PDGFA: variants seen among roughly 807,000 people sequenced by gnomAD.
PDGFA encodes platelet-derived growth factor subunit A.
A neutral mutation model predicts 25.6 loss-of-function variants in PDGFA; 9 were observed. That is an observed-to-expected ratio of 0.35 (90% CI 0.21 to 0.61). The LOEUF is 0.61. Ranked by LOEUF, PDGFA falls within the 20% of genes least tolerant of loss-of-function variation. The pLI, the probability that PDGFA is intolerant of heterozygous loss-of-function variation, is 0.75. For synonymous variants in PDGFA, 133 were observed against 111.8 expected (o/e 1.19, Z -1.20); for missense variants, 242 against 272.8 (o/e 0.89, Z 0.79).
intron 4 of PDGFA, among the ~76,000 whole-genome samples, chr7:506,724 C>T (rs933202004): frequency 6.6e-6 from 1 of 152,144 alleles, no homozygotes. Context: ...CAAGAGCTAA[C>T]TGTGCCAGGC....
upstream of PDGFA, chr7:520,067 C>T (rs1783307118): frequency 2.5e-6 from 1 of 398,234 alleles, no homozygotes. Flanking sequence ...CAAAGCCCCG[C>T]GCCCGGCTCC....
intron 4 of PDGFA, among the ~76,000 whole-genome samples, chr7:505,389 C>T (rs1280905533): frequency 2.0e-5 from 3 of 152,202 alleles, no homozygotes; most frequent in Non-Finnish European, 2.9e-5. Context: ...ACTCCCGGCG[C>T]GAACTCACCC....
intron 5 of PDGFA, among the ~76,000 whole-genome samples, chr7:499,597 G>C (rs371872917): frequency 6.6e-6 from 1 of 151,948 alleles, no homozygotes. Context: ...TCTGGGAAGC[G>C]ACATGTCTTG....
intron 2 of PDGFA, among the ~76,000 whole-genome samples, chr7:513,694 A>G (rs772352516): frequency 3.3e-5 from 5 of 152,166 alleles, no homozygotes; most frequent in Admixed American, 6.5e-5. Flanking sequence ...CTAGCAGCCC[A>G]AAGTGTCTCT....
chr7:503,404 G>T (rs997878010), intron 4 of PDGFA, among the ~76,000 whole-genome samples: 17 of 152,136 alleles, frequency 1.1e-4, no homozygotes, highest in African/African-American at 4.1e-4. Flanking sequence ...CGGAGGCCGG[G>T]TCACCCCCTG....
At chr7:501,354 G>A in intron 4 of PDGFA, 112 bp from the exon 5 acceptor site, 1 of 1,331,600 alleles carries the variant, frequency 7.5e-7, no homozygotes, top group Non-Finnish European at 1.1e-6. Context: ...CCTGACCCCT[G>A]ACCTCCTCCC....
intron 2 of PDGFA, 95 bp from the exon 3 acceptor site, chr7:512,550 C>T: frequency 6.3e-7 from 1 of 1,588,274 alleles, no homozygotes; most frequent in Non-Finnish European, 8.6e-7. Context: ...GCTTTGGGAG[C>T]CACTGGGGAA....
chr7:500,529 G>A lies in PDGFA; in HGVS notation c.580+587C>T. 1.2e-6 allele frequency: 2 copies of A among 1,613,718 alleles called. No homozygotes were observed. Among genetic ancestry groups the A allele is most frequent in the Non-Finnish European group, 1.7e-6 (2 of 1,179,978 alleles). On this transcript the variant is annotated intron_variant, in intron 5 of 5. Transcript: ENST00000402802. This position sits in a 1 kb window ranked among gnomAD's most constrained non-coding sequence, Gnocchi z 5.0. ...TAACAAAAGGGCAGGGCGGTGAGTG[G>A]GCCGAGGGACGGCCGTCGGGGTGAA...
rs766165770 is a variant in PDGFA at position 508,559 on chromosome 7, C to CAAAAAAAA, written c.453+2242_453+2249dup. Among the ~76,000 whole-genome samples the CAAAAAAAA allele has an allele frequency of 6.2e-3, 221 of 35,662 alleles. 43 individuals are homozygous for CAAAAAAAA. Among genetic ancestry groups the CAAAAAAAA allele is most frequent in the African/African-American group, 7.8e-3 (70 of 9,006 alleles). 23.4% of individuals were successfully genotyped at this position (35,662 alleles called of 152,430 possible). A position where few individuals can be genotyped will look rare whatever the true frequency, so the allele number is the denominator to read the frequency against. ...TGGGCAACAGAGCAAGAAGCTGTCC[C>CAAAAAAAA]AAAAAAAAAAAAAAAAAAAAAAAAA... is the stretch of plus-strand genomic sequence containing the variant. On this transcript the variant is annotated intron_variant, in intron 4 of 5. Transcript: ENST00000402802.
chr7:507,137 T>TCTGAC (rs1273973619), intron 4 of PDGFA, among the ~76,000 whole-genome samples: 4 of 152,196 alleles, frequency 2.6e-5, no homozygotes, highest in African/African-American at 9.6e-5. Context: ...TCCTGTTCCC[T>TCTGAC]CTGACCTTTG....
At position 500,838 on chromosome 7, in the gene PDGFA, T is replaced by C. The variant is rs1191589766; in HGVS notation, c.580+278A>G. ...TCAGCCCCGCAGCCCACTAATGAATTGGGTGTCTTATGCACTCCCAGCCCC... is the reference window on the plus strand; with the variant it reads ...TCAGCCCCGCAGCCCACTAATGAATCGGGTGTCTTATGCACTCCCAGCCCC... On this transcript the variant is annotated intron_variant, in intron 5 of 5. Transcript: ENST00000402802. The surrounding 1 kb of genome is among the most constrained non-coding windows in gnomAD (Gnocchi z 5.0). 2.7e-6 allele frequency: 4 copies of C among 1,500,474 alleles called. No homozygotes were observed. Among genetic ancestry groups the C allele is most frequent in the Non-Finnish European group, 3.6e-6 (4 of 1,125,048 alleles). 92.9% of individuals were successfully genotyped at this position (1,500,474 alleles called of 1,614,324 possible). A position where few individuals can be genotyped will look rare whatever the true frequency, so the allele number is the denominator to read the frequency against.
chr7:500,814 C>T lies in PDGFA; in HGVS notation c.580+302G>A. On this transcript the variant is annotated intron_variant, in intron 5 of 5. Coordinates refer to ENST00000402802, the Ensembl canonical transcript of PDGFA. This position sits in a 1 kb window ranked among gnomAD's most constrained non-coding sequence, Gnocchi z 5.0. ...GCCCTTCTGCAGATTCTTCTCAGCT[C>T]AGCCCCGCAGCCCACTAATGAATTG... 1 of 1,470,378 alleles carries T rather than the reference C, an allele frequency of 6.8e-7. No individual in the cohort carries two copies. The highest frequency in any genetic ancestry group is 9.0e-7 in the Non-Finnish European group (1 of 1,109,578). The allele number at this position is 1,470,378 out of a possible 1,614,324, so 91.1% of individuals were successfully genotyped here. A position where few individuals can be genotyped will look rare whatever the true frequency, so the allele number is the denominator to read the frequency against.
chr7:502,231 TA>T (rs1235866690), intron 4 of PDGFA, among the ~76,000 whole-genome samples: 3 of 151,598 alleles, frequency 2.0e-5, no homozygotes, highest in East Asian at 1.9e-4. Flanking sequence ...CTATTAATAT[TA>T]AAAAAAAATT....
chr7:519,177 A>C (rs1329377775), exon 1 of PDGFA: 3 of 416,020 alleles, frequency 7.2e-6, no homozygotes, highest in African/African-American at 2.1e-5. Flanking sequence ...GTGAGTGCGG[A>C]GAGGCAGGCA....
Position 517,387 on chromosome 7 carries a change from G to C in PDGFA, c.160+7C>G. On this transcript the variant is annotated splice_region_variant and intron_variant, in intron 2 of 5. Transcript: ENST00000402802. The surrounding 1 kb of genome is among the most constrained non-coding windows in gnomAD (Gnocchi z 7.4). ...CCCCGCGCGCGGAGGGAAGGGGCGC[G>C]ATTTACCTACGGAGTCTATCTCCAG... The C allele has an allele frequency of 1.5e-6, 2 of 1,346,234 alleles. No homozygotes were observed. The highest frequency in any genetic ancestry group is 1.9e-6 in the Non-Finnish European group (2 of 1,025,920). The allele number at this position is 1,346,234 out of a possible 1,614,324, so 83.4% of individuals were successfully genotyped here.
chr7:519,054 G>A, exon 1 of PDGFA: 3 of 1,397,328 alleles, frequency 2.1e-6, no homozygotes, highest in East Asian at 2.7e-5. Flanking sequence ...CGGGGCGGGC[G>A]CTCCAGCCGG....
At chr7:516,447 C>T (rs928376325) in intron 2 of PDGFA, among the ~76,000 whole-genome samples, 1 of 152,198 alleles carries the variant, frequency 6.6e-6, no homozygotes, top group Non-Finnish European at 1.5e-5. Flanking sequence ...TGTCACGTAA[C>T]TTCTTCCAAT....
intron 2 of PDGFA, chr7:513,497 C>G (rs1466929350): frequency 6.8e-6 from 1 of 147,852 alleles, no homozygotes; most frequent in African/African-American, 2.5e-5. Context: ...TGGGGAGTCT[C>G]TTCCCATCTC....
intron 3 of PDGFA, among the ~76,000 whole-genome samples, chr7:512,129 G>C (rs9691299): frequency 0.32 from 48,425 of 152,146 alleles, 7,990 homozygotes; most frequent in Middle Eastern, 0.46. Flanking sequence ...GGCGGGCTGG[G>C]GCAGGAGACA....
Sources: gnomAD v4.1 joint callset for allele counts (sites outside exome capture counted in the v4.1 genomes callset) on GRCh38, gnomAD v4.1.1 for gene constraint, Gnocchi (gnomAD v3.1) non-coding constraint, MANE v1.5 for transcripts, NCBI Gene and HGNC (gene_info 2026-07-23, HGNC 2026-07-21) for gene names.